Variants in RPS15A observed in about 807,000 individuals in gnomAD.
RPS15A encodes small ribosomal subunit protein uS8.
For synonymous variants in RPS15A, 55 were observed against 58.5 expected (o/e 0.94, Z 0.27); for missense variants, 62 against 163.4 (o/e 0.38, Z 3.38).
chr16:18,783,133 G>A, intron 4 of RPS15A, 31 bp from the exon 5 acceptor site: 1 of 1,430,110 alleles, frequency 7.0e-7, no homozygotes, highest in Non-Finnish European at 9.8e-7. Context: ...GTGCTGGTAA[G>A]TTTAATAGTT....
chr16:18,785,164 C>T (rs561946980), intron 3 of RPS15A: 80 of 200,612 alleles, frequency 4.0e-4, no homozygotes, highest in African/African-American at 1.7e-3. Flanking sequence ...AGAGAGACTA[C>T]AGCCAACCCT....
intron 1 of RPS15A, among the ~76,000 whole-genome samples, chr16:18,789,536 C>T (rs540647419): frequency 6.6e-6 from 1 of 152,328 alleles, no homozygotes; most frequent in Non-Finnish European, 1.5e-5. Context: ...GCAACATTTT[C>T]CAAATTGCTG....
chr16:18,789,118 G>A lies in RPS15A; in HGVS notation c.-5C>T, dbSNP rs747217695. The A allele has an allele frequency of 1.2e-6, 2 of 1,611,058 alleles. No individual in the cohort carries two copies. Among genetic ancestry groups the A allele is most frequent in the Admixed American group, 1.7e-5 (1 of 59,238 alleles). On this transcript the variant is annotated splice_region_variant and 5_prime_UTR_variant, in exon 2 of 5. Coordinates refer to ENST00000322989, the MANE Select transcript of RPS15A (RefSeq NM_001019.5). ...CAGGACATTCATGCGCACCATTGTGGCTGTTCAAGGAAGACAAAACAGGAG... is the reference window on the plus strand; with the variant it reads ...CAGGACATTCATGCGCACCATTGTGACTGTTCAAGGAAGACAAAACAGGAG...
intron 4 of RPS15A, 88 bp from the exon 5 acceptor site, chr16:18,783,190 G>C: frequency 2.4e-6 from 2 of 834,982 alleles, no homozygotes; most frequent in Non-Finnish European, 3.9e-6. Context: ...CTCATCAGTG[G>C]TTAAGGGCGC....
At chr16:18,784,249 GTC>G (rs893868763) in intron 4 of RPS15A, 8 of 151,574 alleles carry the variant, frequency 5.3e-5, no homozygotes, top group African/African-American at 1.7e-4. Flanking sequence ...GTGAAACCCT[GTC>G]TCTCTCTCTT....
At chr16:18,783,962 C>G (rs1400207877) in intron 4 of RPS15A, 1 of 281,268 alleles carries the variant, frequency 3.6e-6, no homozygotes, top group Non-Finnish European at 7.1e-6. Context: ...TGGCCCTCAT[C>G]TGGGATCACA....
Position 18,789,090 on chromosome 16 carries a change from T to C in RPS15A, c.24A>G (p.Ala8=), listed in dbSNP as rs772395077. The change falls in exon 2 of 5, where the codon GCA becomes GCG. Residue 8 remains alanine (A), a synonymous_variant. Coordinates refer to ENST00000322989, the MANE Select transcript of RPS15A (RefSeq NM_001019.5). MVRMNVL[A]DALKSINNAE... The stretch of plus-strand genomic sequence containing the variant: ...CATTGTTGATACTCTTGAGAGCATC[T>C]GCCAGGACATTCATGCGCACCATTG... The C allele has an allele frequency of 1.5e-5, 25 of 1,613,752 alleles. No individual in the cohort carries two copies. The highest frequency in any genetic ancestry group is 2.1e-5 in the Non-Finnish European group (25 of 1,179,904).
rs1032765850 is a variant in RPS15A at position 18,790,283 on chromosome 16, T to C, written c.-45A>G. Reference sequence around the variant, plus strand: ...TGGCGCCGATGGCAGACGGATGAAATTGGAGCTCTCAGAGAGTGCTACTCA... The same window carrying C: ...TGGCGCCGATGGCAGACGGATGAAACTGGAGCTCTCAGAGAGTGCTACTCA... On this transcript the variant is annotated 5_prime_UTR_variant, in exon 1 of 5. Coordinates refer to ENST00000322989, the MANE Select transcript of RPS15A (RefSeq NM_001019.5). 1.3e-5 allele frequency: 2 copies of C among 149,930 alleles called. No individual in the cohort carries two copies. The highest frequency in any genetic ancestry group is 2.0e-4 in the East Asian group (1 of 5,030). The allele number at this position is 149,930 out of a possible 1,614,324, so 9.3% of individuals were successfully genotyped here.
chr16:18,788,929 T>G, intron 2 of RPS15A, 52 bp downstream of exon 2: 1 of 1,573,708 alleles, frequency 6.4e-7, no homozygotes, highest in African/African-American at 1.4e-5. Flanking sequence ...ACAGGACTGA[T>G]TTCTTAGAGA....
At chr16:18,789,299 T>C (rs1046224762) in intron 1 of RPS15A, among the ~76,000 whole-genome samples, 181 bp from the exon 2 acceptor site, 1 of 152,248 alleles carries the variant, frequency 6.6e-6, no homozygotes, top group African/African-American at 2.4e-5. Context: ...ACTACGGTTG[T>C]TGAAAACAGG....
intron 2 of RPS15A, 54 bp downstream of exon 2, chr16:18,788,927 G>A (rs1440300338): frequency 1.9e-6 from 3 of 1,569,302 alleles, no homozygotes; most frequent in Non-Finnish European, 1.7e-6. Flanking sequence ...CTACAGGACT[G>A]ATTTCTTAGA....
chr16:18,784,708 C>T, intron 4 of RPS15A, 30 bp downstream of exon 4: 3 of 1,529,074 alleles, frequency 2.0e-6, no homozygotes, highest in South Asian at 1.2e-5. Flanking sequence ...TTAGCATTAA[C>T]TTCTTTTAAT....
chr16:18,783,394 A>T, intron 4 of RPS15A: 2 of 405,484 alleles, frequency 4.9e-6, no homozygotes, highest in Non-Finnish European at 9.1e-6. Flanking sequence ...TTTAAATTTA[A>T]ATGTCACTTT....
At chr16:18,789,298 G>T (rs2029971765) in intron 1 of RPS15A, among the ~76,000 whole-genome samples, 180 bp from the exon 2 acceptor site, 1 of 152,222 alleles carries the variant, frequency 6.6e-6, no homozygotes. Flanking sequence ...TACTACGGTT[G>T]TTGAAAACAG....
At chr16:18,784,844 CAA>C in intron 3 of RPS15A, 21 bp from the exon 4 acceptor site, 2 of 1,545,784 alleles carry the variant, frequency 1.3e-6, no homozygotes, top group Non-Finnish European at 1.8e-6. Flanking sequence ...ACAACAACAA[CAA>C]AAACATTCTT....
intron 4 of RPS15A, chr16:18,783,582 C>T (rs115987799): frequency 3.1e-5 from 14 of 446,042 alleles, no homozygotes; most frequent in African/African-American, 1.0e-4. Context: ...TGCAAATGTG[C>T]GGCATTAAAA....
chr16:18,787,917 C>T (rs1041001154), intron 3 of RPS15A, 146 bp downstream of exon 3: 1 of 632,462 alleles, frequency 1.6e-6, no homozygotes, highest in Non-Finnish European at 2.8e-6. Context: ...AATGAAGTTC[C>T]ATGTGTCAAT....
intron 2 of RPS15A, chr16:18,788,529 G>C (rs538207715): frequency 2.7e-5 from 5 of 186,852 alleles, no homozygotes; most frequent in Non-Finnish European, 5.5e-5. Context: ...TTGCACTGTC[G>C]CCCAGGCTGG....
rs1452757570 is a variant in RPS15A, at chr16:18,789,019, T to C, written c.95A>G (p.Lys32Arg). 2 of 1,614,112 alleles carry C rather than the reference T, an allele frequency of 1.2e-6. No homozygotes were observed. Among genetic ancestry groups the C allele is most frequent in the Non-Finnish European group, 1.7e-6 (2 of 1,180,002 alleles). The part of the protein sequence containing the change: ...KRQVLIRPCS[K>R]VIVRFLTVMM... ...CACAGTGAGAAACCGGACGATGACTTTGGAGCACGGCCTAATAAGCACCTG... is the reference window on the plus strand; with the variant it reads ...CACAGTGAGAAACCGGACGATGACTCTGGAGCACGGCCTAATAAGCACCTG... The change falls in exon 2 of 5, where the codon AAA (lysine) becomes AGA (arginine). Residue 32 changes from lysine (K) to arginine (R), a missense_variant. Coordinates refer to ENST00000322989, the MANE Select transcript of RPS15A (RefSeq NM_001019.5).
Sources: gnomAD v4.1 joint callset for allele counts (sites outside exome capture counted in the v4.1 genomes callset) on GRCh38, gnomAD v4.1.1 for gene constraint, MANE v1.5 for transcripts, NCBI Gene and HGNC (gene_info 2026-07-23, HGNC 2026-07-21) for gene names.